Variants in SPINK2 observed in about 807,000 individuals in gnomAD.
SPINK2 encodes serine peptidase inhibitor Kazal type 2, also known as serine protease inhibitor Kazal-type 2.
SPINK2 carries 8 observed loss-of-function variants against 13.5 expected under a neutral mutation model. The ratio of observed to expected loss-of-function variants is 0.59; its 90% CI spans 0.35 to 1.07. SPINK2 has a LOEUF of 1.07. Among genes scored for constraint, SPINK2 ranks in the 50% least tolerant of loss-of-function variants. SPINK2 has a pLI of 0.02. For missense variants in SPINK2, 148 were observed against 180.3 expected, an observed-to-expected ratio of 0.82 and a Z score of 1.03; for synonymous variants, 76 against 74.7, an observed-to-expected ratio of 1.02 and a Z score of -0.09.
chr4:56,819,505 G>A (rs1717748053), intron 2 of SPINK2, among the ~76,000 whole-genome samples: 1 of 152,156 alleles, frequency 6.6e-6, no homozygotes, highest in South Asian at 2.1e-4. Context: ...AGGCCAGCCG[G>A]CTATAAGCCA....
chr4:56,817,487 A>C (rs1717552093), intron 2 of SPINK2, among the ~76,000 whole-genome samples: 1 of 152,218 alleles, frequency 6.6e-6, no homozygotes, highest in Non-Finnish European at 1.5e-5. Context: ...CCAAATAGCC[A>C]AAACAGTCTT....
intron 2 of SPINK2, among the ~76,000 whole-genome samples, chr4:56,813,042 C>T (rs1299337331): frequency 6.6e-6 from 1 of 152,136 alleles, no homozygotes; most frequent in African/African-American, 2.4e-5. Flanking sequence ...CATAGAAGAG[C>T]GGAGCGTGGT....
At chr4:56,812,001 G>A (rs113282760) in intron 2 of SPINK2, among the ~76,000 whole-genome samples, 11,744 of 144,812 alleles carry the variant, frequency 0.081, 569 homozygotes, top group South Asian at 0.11. Context: ...GGGCTCAAGC[G>A]ATTCTCCTGC....
At chr4:56,820,191 A>C (rs539336916) in intron 2 of SPINK2, among the ~76,000 whole-genome samples, 1 of 152,302 alleles carries the variant, frequency 6.6e-6, no homozygotes, top group South Asian at 2.1e-4. Context: ...CTCTTGCTAT[A>C]ACAAGCCCTG....
chr4:56,817,245 G>GT lies in SPINK2; in HGVS notation c.249+3290dup, dbSNP rs550782281. ...CATTAGGAATAAATATTTACAAAGT[G>GT]TAAGACATGTATACTGAAAACTACA... On this transcript the variant is annotated intron_variant, in intron 2 of 3. Transcript: ENST00000506738. Among the ~76,000 whole-genome samples the GT allele has an allele frequency of 1.1e-3, 168 of 152,176 alleles. 1 individual carries two copies. The highest frequency in any genetic ancestry group is 2.1e-3 in the Non-Finnish European group (140 of 67,988).
intron 2 of SPINK2, among the ~76,000 whole-genome samples, chr4:56,817,741 C>A (rs1717575981): frequency 6.6e-6 from 1 of 151,960 alleles, no homozygotes; most frequent in African/African-American, 2.4e-5. Flanking sequence ...GTAATCCCAG[C>A]TACTTGGGAG....
intron 1 of SPINK2, 120 bp from the exon 2 acceptor site, chr4:56,820,699 G>A (rs1328392711): frequency 8.0e-6 from 6 of 753,494 alleles, no homozygotes; most frequent in South Asian, 1.8e-5. Flanking sequence ...TTGACCTCCC[G>A]GGCTTAAGCG....
In SPINK2 at chr4:56,810,032, C is replaced by T. The variant is rs1716848540; in HGVS notation, c.*107G>A. The T allele has an allele frequency of 6.5e-7, 1 of 1,531,436 alleles. No homozygotes were observed. The highest frequency in any genetic ancestry group is 2.3e-5 in the Admixed American group (1 of 43,236). 94.9% of individuals were successfully genotyped at this position (1,531,436 alleles called of 1,614,324 possible). On this transcript the variant is annotated 3_prime_UTR_variant, in exon 4 of 4. Coordinates refer to ENST00000506738, the MANE Select transcript of SPINK2 (RefSeq NM_001271718.2). ...CCTGCTCTCAGAAAATGTGTGTTAACAAATCTCATGTAAAGAAACACAGGA... is the reference window on the plus strand; with the variant it reads ...CCTGCTCTCAGAAAATGTGTGTTAATAAATCTCATGTAAAGAAACACAGGA...
At chr4:56,819,064 G>A (rs1717705028) in intron 2 of SPINK2, among the ~76,000 whole-genome samples, 1 of 152,132 alleles carries the variant, frequency 6.6e-6, no homozygotes, top group African/African-American at 2.4e-5. Context: ...TGGCCAAGGG[G>A]ATAATAATGA....
In SPINK2 at chr4:56,809,916, G is replaced by C; in HGVS notation, c.*223C>G. ...ATAAAGCAATGCACAAGTCACCTGG[G>C]CAGTAAGCTTAACTCCAGGAGCAAA... On this transcript the variant is annotated 3_prime_UTR_variant, in exon 4 of 4. Coordinates refer to ENST00000506738, the MANE Select transcript of SPINK2 (RefSeq NM_001271718.2). 1 of 1,193,420 alleles carries C rather than the reference G, an allele frequency of 8.4e-7. No homozygotes were observed. The highest frequency in any genetic ancestry group is 1.1e-6 in the Non-Finnish European group (1 of 884,214). The allele number at this position is 1,193,420 out of a possible 1,614,324, so 73.9% of individuals were successfully genotyped here.
chr4:56,819,706 C>T (rs1332514671), intron 2 of SPINK2, among the ~76,000 whole-genome samples: 1 of 151,716 alleles, frequency 6.6e-6, no homozygotes, highest in African/African-American at 2.4e-5. Flanking sequence ...ACCTTTGCCT[C>T]CCAGGTTCAA....
At chr4:56,819,742 A>G (rs1474486703) in intron 2 of SPINK2, among the ~76,000 whole-genome samples, 1 of 150,588 alleles carries the variant, frequency 6.6e-6, no homozygotes, top group African/African-American at 2.4e-5. Flanking sequence ...CAGCCTTCCC[A>G]GTAGGTGGGA....
At chr4:56,821,765 G>GGGAAGGGGCGGGGCAAGGGGCGGA (rs1553896007), upstream of SPINK2, 1 of 1,215,922 alleles carries the variant, frequency 8.2e-7, no homozygotes, top group Admixed American at 3.9e-5. Flanking sequence ...GAAGGGGCGG[G>GGGAAGGGGCGGGGCAAGGGGCGGA]GCGAGAATGG....
intron 2 of SPINK2, among the ~76,000 whole-genome samples, chr4:56,819,431 T>G (rs1445658784): frequency 6.6e-6 from 1 of 152,152 alleles, no homozygotes; most frequent in Non-Finnish European, 1.5e-5. Context: ...AACAGAACTC[T>G]GACCCACAAC....
intron 2 of SPINK2, among the ~76,000 whole-genome samples, chr4:56,815,736 T>C (rs1717383223): frequency 6.6e-6 from 1 of 150,738 alleles, no homozygotes; most frequent in African/African-American, 2.4e-5. Context: ...TGACACAATC[T>C]TGTTATATAG....
chr4:56,811,656 GCTAGT>G (rs1560412473), intron 3 of SPINK2, 24 bp downstream of exon 3: 1 of 1,403,562 alleles, frequency 7.1e-7, no homozygotes, highest in South Asian at 1.2e-5. Context: ...AGAAAACTTG[GCTAGT>G]CTACAGCTGT....
At chr4:56,812,163 G>A (rs1285037721) in intron 2 of SPINK2, among the ~76,000 whole-genome samples, 9 of 151,048 alleles carry the variant, frequency 6.0e-5, no homozygotes, top group African/African-American at 2.2e-4. Context: ...CAAAGTGCTA[G>A]GATTACAGGC....
At chr4:56,812,795 T>A (rs1344280940) in intron 2 of SPINK2, among the ~76,000 whole-genome samples, 2 of 152,104 alleles carry the variant, frequency 1.3e-5, no homozygotes, top group Non-Finnish European at 2.9e-5. Flanking sequence ...TTTAAGGCAC[T>A]GACATTTAAC....
At chr4:56,810,784 T>A (rs182372945) in intron 3 of SPINK2, 1 of 151,900 alleles carries the variant, frequency 6.6e-6, no homozygotes, top group African/African-American at 2.4e-5. Flanking sequence ...GAGGCAGAGG[T>A]TGCAGTGAGT....
Sources: gnomAD v4.1 joint callset for allele counts (sites outside exome capture counted in the v4.1 genomes callset) on GRCh38, gnomAD v4.1.1 for gene constraint, MANE v1.5 for transcripts, NCBI Gene and HGNC (gene_info 2026-07-23, HGNC 2026-07-21) for gene names.